SAMSN1: variants seen among roughly 807,000 people sequenced by gnomAD.
The protein encoded by SAMSN1 is SAM domain, SH3 domain and nuclear localization signals 1, also known as SAM domain-containing protein SAMSN-1.
SAMSN1 carries 31 observed loss-of-function variants against 42.0 expected under a neutral mutation model. That is an observed-to-expected ratio of 0.74 (90% CI 0.55 to 1.00). The LOEUF is 1.00. Ranked by LOEUF, SAMSN1 falls within the 50% of genes least tolerant of loss-of-function variation. The probability of loss-of-function intolerance (pLI) is 0.00; values close to 1 mark genes in which losing one functional copy is unlikely to be tolerated. For synonymous variants in SAMSN1, 178 were observed against 151.9 expected (o/e 1.17, Z -1.26); for missense variants, 464 against 439.4 (o/e 1.06, Z -0.50).
chr21:14,545,687 G>A (rs1980346154), intron 1 of SAMSN1, among the ~76,000 whole-genome samples: 1 of 152,018 alleles, frequency 6.6e-6, no homozygotes, highest in Admixed American at 6.5e-5. Context: ...ATTAGTTCGA[G>A]AGAATAGCAA....
chr21:14,558,696 A>G (rs1433821950), intron 2 of SAMSN1, among the ~76,000 whole-genome samples: 2 of 150,806 alleles, frequency 1.3e-5, no homozygotes, highest in African/African-American at 2.5e-5. Flanking sequence ...AAACAAAAAC[A>G]AAAACAACAA....
intron 2 of SAMSN1, among the ~76,000 whole-genome samples, chr21:14,616,254 A>T (rs766756294): frequency 3.3e-5 from 5 of 151,978 alleles, no homozygotes; most frequent in Non-Finnish European, 7.4e-5. Context: ...ACTTTGAGAA[A>T]GGTAGGATAT....
intron 7 of SAMSN1, chr21:14,495,805 G>C (rs1421352043): frequency 6.6e-6 from 1 of 152,188 alleles, no homozygotes; most frequent in Non-Finnish European, 1.5e-5. Flanking sequence ...CTGAATTATA[G>C]ATTTGTGAGC....
chr21:14,619,151 A>G (rs984523898), intron 2 of SAMSN1, among the ~76,000 whole-genome samples: 3 of 152,202 alleles, frequency 2.0e-5, no homozygotes, highest in Non-Finnish European at 4.4e-5. Flanking sequence ...GATATCAAAT[A>G]TATTTCTATT....
In SAMSN1 at chr21:14,507,448, GCAAAAA is replaced by G. The variant is rs112414014; in HGVS notation, c.561+2856_561+2861del. ...GAACTCAACCCCTTTTACAATAGCT[GCAAAAA>G]CAAAAACAAAAACAAAACTTTGGAA... On this transcript the variant is annotated intron_variant, in intron 5 of 7. Transcript: ENST00000400566. Among the ~76,000 whole-genome samples, 438 of 152,122 alleles carry G rather than the reference GCAAAAA, an allele frequency of 2.9e-3. 2 individuals are homozygous for G. The Middle Eastern group carries it at 0.041, about 14-fold the overall frequency.
chr21:14,573,951 G>C (rs1981383298), intron 2 of SAMSN1, among the ~76,000 whole-genome samples: 1 of 152,172 alleles, frequency 6.6e-6, no homozygotes, highest in African/African-American at 2.4e-5. Context: ...TTGCTTAGCA[G>C]TATTTGAATT....
chr21:14,489,391 C>CAT (rs56948561), intron 7 of SAMSN1, among the ~76,000 whole-genome samples: 47,514 of 151,798 alleles, frequency 0.31, 10,217 homozygotes, highest in African/African-American at 0.6. Context: ...TATATGAAAA[C>CAT]ACACATACGC....
chr21:14,521,899 T>TC (rs1978511780), intron 1 of SAMSN1, among the ~76,000 whole-genome samples: 1 of 133,290 alleles, frequency 7.5e-6, no homozygotes, highest in Non-Finnish European at 1.7e-5. Context: ...CCAAGTTTGT[T>TC]TAAAAAAAAA....
At position 14,577,277 on chromosome 21, in the gene SAMSN1, TA is replaced by T. The variant is rs1568816213; in HGVS notation, c.261+4858del. Among the ~76,000 whole-genome samples the T allele has an allele frequency of 1.0e-3, 56 of 54,030 alleles. 4 individuals are homozygous for T. Among genetic ancestry groups the T allele is most frequent in the African/African-American group, 1.8e-3 (17 of 9,454 alleles). The allele number at this position is 54,030 out of a possible 152,430, so 35.4% of individuals were successfully genotyped here. On this transcript the variant is annotated intron_variant, in intron 2 of 8. Coordinates refer to the SAMSN1 transcript ENST00000285670. ...ATATATATATATATATATATATATATATATATATTTTTTTTTTAGAAGAGAC... is the reference window on the plus strand; with the variant it reads ...ATATATATATATATATATATATATATTATATATTTTTTTTTTAGAAGAGAC...
chr21:14,594,887 G>A (rs1224713121), intron 6 of SAMSN1: 1 of 152,188 alleles, frequency 6.6e-6, no homozygotes, highest in Non-Finnish European at 1.5e-5. Flanking sequence ...AAGAAAAGAA[G>A]TGCAATTTGC....
In SAMSN1 at chr21:14,498,558, T is replaced by C. The variant is rs748321769; in HGVS notation, c.803A>G (p.Glu268Gly). Residue 268 changes from glutamate (E) to glycine (G), a missense_variant, in exon 7 of 8, where the codon GAG becomes GGG. Physicochemically the swap from Glu to Gly is moderately conservative, Grantham distance 98. Transcript: ENST00000400566. ...TATATCTTTTAAATCTTCTAGAGTC[T>C]CATAACCATTGAGCAAAAGTGTTGA... ...YTSTLLLNGY[E>G]TLEDLKDIKE... The C allele has an allele frequency of 6.2e-7, 1 of 1,604,848 alleles. No individual in the cohort carries two copies. Among genetic ancestry groups the C allele is most frequent in the Non-Finnish European group, 8.5e-7 (1 of 1,177,286 alleles).
At chr21:14,544,043 A>C (rs1980220660) in intron 1 of SAMSN1, among the ~76,000 whole-genome samples, 1 of 151,992 alleles carries the variant, frequency 6.6e-6, no homozygotes, top group African/African-American at 2.4e-5. Context: ...CACAGCATCC[A>C]CCTCTGCCAA....
exon 6 of SAMSN1, chr21:14,602,063 T>A (rs952667752): frequency 2.9e-6 from 2 of 695,158 alleles, no homozygotes; most frequent in Non-Finnish European, 5.4e-6. Flanking sequence ...TTGATAGGTA[T>A]GTATGTTGTT....
chr21:14,561,643 C>T (rs1188182620), intron 2 of SAMSN1, among the ~76,000 whole-genome samples: 1 of 152,112 alleles, frequency 6.6e-6, no homozygotes, highest in East Asian at 1.9e-4. Context: ...TTCCTGACCC[C>T]CAGCACCTCA....
At chr21:14,558,360 C>G (rs764921752) in intron 2 of SAMSN1, among the ~76,000 whole-genome samples, 1 of 151,828 alleles carries the variant, frequency 6.6e-6, no homozygotes. Flanking sequence ...TTTGGAAACA[C>G]GCATGCTACG....
chr21:14,565,886 T>C (rs1296449961), intron 2 of SAMSN1, among the ~76,000 whole-genome samples: 1 of 152,182 alleles, frequency 6.6e-6, no homozygotes, highest in Non-Finnish European at 1.5e-5. Context: ...ATTGGTAGAT[T>C]TGTATAATTT....
At chr21:14,605,330 C>T (rs1982538121) in intron 5 of SAMSN1, among the ~76,000 whole-genome samples, 1 of 152,212 alleles carries the variant, frequency 6.6e-6, no homozygotes, top group Non-Finnish European at 1.5e-5. Flanking sequence ...TCACACCATG[C>T]AGTGGGTACC....
chr21:14,653,866 C>T (rs1197752275), intron 1 of SAMSN1, among the ~76,000 whole-genome samples: 1 of 137,154 alleles, frequency 7.3e-6, no homozygotes, highest in African/African-American at 2.6e-5. Flanking sequence ...CACACACACA[C>T]ACAGCAGGAA....
intron 2 of SAMSN1, among the ~76,000 whole-genome samples, chr21:14,642,434 C>T (rs1183040631): frequency 1.3e-5 from 2 of 152,174 alleles, no homozygotes; most frequent in Admixed American, 6.5e-5. Flanking sequence ...AGAGCATAAA[C>T]TTTGAAAGCA....
Sources: gnomAD v4.1 joint callset for allele counts (sites outside exome capture counted in the v4.1 genomes callset) on GRCh38, gnomAD v4.1.1 for gene constraint, MANE v1.5 for transcripts, NCBI Gene and HGNC (gene_info 2026-07-23, HGNC 2026-07-21) for gene names.